Variants in ARB2A observed in about 807,000 individuals in gnomAD.
The protein encoded by ARB2A is ARB2 cotranscriptional regulator A, also known as cotranscriptional regulator ARB2A.
the ARB2A span, among the ~76,000 whole-genome samples, chr5:93,745,382 G>A: frequency 6.6e-6 from 1 of 152,112 alleles, no homozygotes; most frequent in Non-Finnish European, 1.5e-5. Flanking sequence ...ACCTAAATTC[G>A]TATTATAGAC....
the ARB2A span, among the ~76,000 whole-genome samples, chr5:93,864,904 T>A: frequency 6.6e-6 from 1 of 152,202 alleles, no homozygotes; most frequent in African/African-American, 2.4e-5. Flanking sequence ...TGTGAGCTCC[T>A]GGTAAAGAGG....
chr5:93,730,308 T>A, the ARB2A span, among the ~76,000 whole-genome samples: 5 of 152,060 alleles, frequency 3.3e-5, no homozygotes, highest in East Asian at 7.7e-4. Flanking sequence ...GGTGTTGGAG[T>A]GATTGGCTTT....
the ARB2A span, among the ~76,000 whole-genome samples, chr5:93,621,352 G>A: frequency 1.3e-5 from 2 of 152,026 alleles, no homozygotes; most frequent in Non-Finnish European, 2.9e-5. Flanking sequence ...AACTAGGGCT[G>A]CGGGGTCACT....
chr5:94,094,540 T>G, the ARB2A span, among the ~76,000 whole-genome samples: 1 of 152,234 alleles, frequency 6.6e-6, no homozygotes, highest in African/African-American at 2.4e-5. Context: ...GACTGTAATA[T>G]GTTTAGGGAC....
chr5:93,937,260 T>C, the ARB2A span, among the ~76,000 whole-genome samples: 1 of 151,428 alleles, frequency 6.6e-6, no homozygotes, highest in Non-Finnish European at 1.5e-5. Context: ...CGTGTATGTG[T>C]GTCTGTGTCT....
chr5:93,710,176 C>G, the ARB2A span, among the ~76,000 whole-genome samples: 1 of 152,162 alleles, frequency 6.6e-6, no homozygotes, highest in Non-Finnish European at 1.5e-5. Context: ...AGGGTGTCAT[C>G]AGAACAGGTA....
the ARB2A span, among the ~76,000 whole-genome samples, chr5:93,916,143 G>C: frequency 1.3e-5 from 2 of 152,104 alleles, no homozygotes; most frequent in South Asian, 4.1e-4. Context: ...ATTCGCTCTT[G>C]CAAGTAAGAG....
the ARB2A span, among the ~76,000 whole-genome samples, chr5:94,048,477 A>G: frequency 6.6e-6 from 1 of 152,222 alleles, no homozygotes; most frequent in African/African-American, 2.4e-5. Context: ...TACATTGCAT[A>G]GAAGCTAGCA....
At chr5:93,915,392 G>C in the ARB2A span, among the ~76,000 whole-genome samples, 12 of 151,534 alleles carry the variant, frequency 7.9e-5, no homozygotes, top group East Asian at 2.3e-3. Context: ...TTACTTCTGA[G>C]AATAATGCAG....
the ARB2A span, among the ~76,000 whole-genome samples, chr5:93,827,386 A>T: frequency 1.3e-5 from 2 of 152,138 alleles, no homozygotes; most frequent in Non-Finnish European, 2.9e-5. Context: ...TGGCTGCATA[A>T]ATGTCTTCTT....
the ARB2A span, among the ~76,000 whole-genome samples, chr5:93,979,366 C>T: frequency 3.3e-5 from 5 of 152,100 alleles, no homozygotes; most frequent in African/African-American, 1.2e-4. Flanking sequence ...TTTAGTATTA[C>T]ACCAGCACCA....
the ARB2A span, among the ~76,000 whole-genome samples, chr5:93,704,422 G>A: frequency 6.6e-6 from 1 of 152,076 alleles, no homozygotes; most frequent in Non-Finnish European, 1.5e-5. Flanking sequence ...AAATTAGTTG[G>A]GCCTTGTGGC....
At chr5:93,657,923 A>T in the ARB2A span, among the ~76,000 whole-genome samples, 1 of 152,154 alleles carries the variant, frequency 6.6e-6, no homozygotes, top group Non-Finnish European at 1.5e-5. Flanking sequence ...AACAACAGTA[A>T]CCAAATTTGC....
At chr5:93,641,124 C>T in the ARB2A span, among the ~76,000 whole-genome samples, 3 of 151,020 alleles carry the variant, frequency 2.0e-5, no homozygotes, top group Admixed American at 6.6e-5. Context: ...CACTTGAACC[C>T]GGGAGGTGGA....
chr5:93,642,263 C>G, the ARB2A span, among the ~76,000 whole-genome samples: 1,441 of 150,904 alleles, frequency 9.5e-3, 23 homozygotes, highest in African/African-American at 0.033. Context: ...TGCAGTGACA[C>G]TATCATGGCT....
the ARB2A span, among the ~76,000 whole-genome samples, chr5:93,877,133 C>G: frequency 6.6e-6 from 1 of 152,158 alleles, no homozygotes; most frequent in South Asian, 2.1e-4. Context: ...TCCTTAGCAT[C>G]TGTTTTTGCT....
the ARB2A span, among the ~76,000 whole-genome samples, chr5:93,947,841 T>A: frequency 2.6e-5 from 4 of 151,714 alleles, no homozygotes; most frequent in African/African-American, 9.7e-5. Context: ...ACAAAGGACA[T>A]GAACTCATCA....
the ARB2A span, among the ~76,000 whole-genome samples, chr5:93,913,473 T>C: frequency 6.6e-6 from 1 of 151,946 alleles, no homozygotes; most frequent in Non-Finnish European, 1.5e-5. Flanking sequence ...CCTCCTCGGA[T>C]ACTAGAGCCA....
At chr5:93,750,458 A>G in the ARB2A span, among the ~76,000 whole-genome samples, 1 of 152,200 alleles carries the variant, frequency 6.6e-6, no homozygotes, top group African/African-American at 2.4e-5. Context: ...CTAATTTAAC[A>G]TACAGCAGCT....
Sources: gnomAD v4.1 joint callset for allele counts (sites outside exome capture counted in the v4.1 genomes callset) on GRCh38, gnomAD v4.1.1 for gene constraint, MANE v1.5 for transcripts, NCBI Gene and HGNC (gene_info 2026-07-23, HGNC 2026-07-21) for gene names.